Variants in MOK observed in about 807,000 individuals in gnomAD.
MOK encodes MAPK/MAK/MRK overlapping kinase.
In MOK, 59 loss-of-function variants were observed where a neutral mutation model predicts 54.2. The observed-to-expected ratio is 1.09, with a 90% CI of 0.88 to 1.35. MOK has a LOEUF of 1.35. Ranked by LOEUF, MOK falls within the 40% of genes most tolerant of loss-of-function variation. MOK has a pLI of 0.00. For missense variants in MOK, 517 were observed against 526.2 expected (o/e 0.98, Z 0.17); for synonymous variants, 210 against 202.7 (o/e 1.04, Z -0.31).
intron 10 of MOK, 36 bp from the exon 11 acceptor site, chr14:102,229,693 G>T: frequency 2.0e-6 from 3 of 1,527,858 alleles, no homozygotes; most frequent in East Asian, 4.5e-5. Context: ...GACATAAAAC[G>T]CTTTCTGCTT....
chr14:102,302,697 G>A (rs1382693551), intron 1 of MOK, among the ~76,000 whole-genome samples: 1 of 151,890 alleles, frequency 6.6e-6, no homozygotes, highest in African/African-American at 2.4e-5. Flanking sequence ...TTACAGGTGT[G>A]AGCCACTGCG....
intron 4 of MOK, among the ~76,000 whole-genome samples, chr14:102,253,561 C>T (rs1157882822): frequency 6.6e-6 from 1 of 152,238 alleles, no homozygotes; most frequent in Non-Finnish European, 1.5e-5. Flanking sequence ...TCACAGTCCA[C>T]ATGTCTTCTT....
At position 102,231,847 on chromosome 14, in the gene MOK, G is replaced by A. The variant is rs1008138067; in HGVS notation, c.867-26C>T. On this transcript the variant is annotated intron_variant, in intron 9 of 11. Transcript: ENST00000361847. The surrounding 1 kb of genome is among the most constrained non-coding windows in gnomAD (Gnocchi z 4.4). ...CTACGGGGAAGGAGAAGAGAATGGAGCAGCTCCACTGAGAGCCCGCAGAGC... is the reference window on the plus strand; with the variant it reads ...CTACGGGGAAGGAGAAGAGAATGGAACAGCTCCACTGAGAGCCCGCAGAGC... 1.3e-6 allele frequency: 2 copies of A among 1,595,504 alleles called. No homozygotes were observed. The highest frequency in any genetic ancestry group is 1.8e-4 in the Middle Eastern group (1 of 5,596).
At position 102,251,021 on chromosome 14, in the gene MOK, C is replaced by T. The variant is rs1447283965; in HGVS notation, c.412-31G>A. 15 of 1,608,110 alleles carry T rather than the reference C, an allele frequency of 9.3e-6. No individual in the cohort carries two copies. In the East Asian group the frequency reaches 3.3e-4, roughly 36 times the overall value. ...AGGGGAAAGAAGCAAGGACAAGTAA[C>T]ATCCCATTATGTGGCTATCATAATA... is the stretch of plus-strand genomic sequence containing the variant. On this transcript the variant is annotated intron_variant, in intron 6 of 11. Transcript: ENST00000361847.
intron 1 of MOK, among the ~76,000 whole-genome samples, chr14:102,302,672 C>G (rs1347457698): frequency 6.6e-6 from 1 of 151,838 alleles, no homozygotes. Flanking sequence ...GCCTCGGCCT[C>G]CCAAAGTGTT....
chr14:102,229,481 C>G lies in MOK; in HGVS notation c.1158G>C (p.Leu386Phe). 2 of 1,614,174 alleles carry G rather than the reference C, an allele frequency of 1.2e-6. No homozygotes were observed. The highest frequency in any genetic ancestry group is 1.7e-6 in the Non-Finnish European group (2 of 1,180,044). ...CCTTCTTGCTCGCAGGGATGCACTTCAAGGGTCTCAGCACCGGCACTCTTC... is the reference window on the plus strand; with the variant it reads ...CCTTCTTGCTCGCAGGGATGCACTTGAAGGGTCTCAGCACCGGCACTCTTC... ...TNGRVPVLRP[L>F]KCIPASKKTD... The change falls in exon 11 of 12, where the codon TTG becomes TTC. Residue 386 changes from leucine (L) to phenylalanine (F), a missense_variant. By Grantham distance (22) the Leu-to-Phe change is conservative (BLOSUM62 0). Transcript: ENST00000361847.
At chr14:102,217,309 G>A in the MOK span, among the ~76,000 whole-genome samples, 6 of 152,196 alleles carry the variant, frequency 3.9e-5, no homozygotes, top group South Asian at 2.1e-4. Context: ...ACTTGCACAC[G>A]TTCTCTCTGA....
At chr14:102,252,558 G>A (rs1039922894) in intron 4 of MOK, among the ~76,000 whole-genome samples, 2 of 151,916 alleles carry the variant, frequency 1.3e-5, no homozygotes, top group Non-Finnish European at 2.9e-5. Context: ...GCAGTTTATA[G>A]AGGCTTCTTT....
intron 7 of MOK, among the ~76,000 whole-genome samples, chr14:102,248,243 C>T (rs2066249570): frequency 6.6e-6 from 1 of 152,224 alleles, no homozygotes; most frequent in Non-Finnish European, 1.5e-5. Context: ...GCGGTTCACC[C>T]TTCCCTCAAG....
At chr14:102,241,407 C>T (rs376230998) in intron 7 of MOK, among the ~76,000 whole-genome samples, 1 of 152,206 alleles carries the variant, frequency 6.6e-6, no homozygotes, top group African/African-American at 2.4e-5. Context: ...AGCCCTCCCG[C>T]ACCTGCTCAA....
At chr14:102,247,177 A>T (rs1200588172) in intron 7 of MOK, among the ~76,000 whole-genome samples, 2 of 152,120 alleles carry the variant, frequency 1.3e-5, no homozygotes, top group African/African-American at 4.8e-5. Flanking sequence ...ACGCTGGGAA[A>T]AAAGAACCCA....
chr14:102,244,719 C>T (rs751595111), intron 7 of MOK, among the ~76,000 whole-genome samples: 1 of 152,160 alleles, frequency 6.6e-6, no homozygotes, highest in Non-Finnish European at 1.5e-5. Flanking sequence ...AAAAGGCCAC[C>T]GTGGTCATTT....
At chr14:102,283,380 T>C in intron 2 of MOK, 98 bp downstream of exon 2, 1 of 699,860 alleles carries the variant, frequency 1.4e-6, no homozygotes. Flanking sequence ...GTATCTTACA[T>C]ATTATTAAAT....
At chr14:102,266,723 T>C (rs1474894780) in intron 2 of MOK, among the ~76,000 whole-genome samples, 1 of 152,038 alleles carries the variant, frequency 6.6e-6, no homozygotes, top group East Asian at 1.9e-4. Context: ...GGTGGGATTA[T>C]AGGCACCCGC....
intron 1 of MOK, among the ~76,000 whole-genome samples, chr14:102,299,051 A>T (rs2071825356): frequency 1.3e-5 from 2 of 152,226 alleles, no homozygotes; most frequent in South Asian, 4.1e-4. Context: ...TAAGAACTGT[A>T]ACACTCACCG....
In MOK at chr14:102,232,865, C is replaced by T. The variant is rs559674355; in HGVS notation, c.693-157G>A. On this transcript the variant is annotated intron_variant, in intron 8 of 11. Coordinates refer to ENST00000361847, the MANE Select transcript of MOK (RefSeq NM_014226.3). The surrounding 1 kb of genome is among the most constrained non-coding windows in gnomAD (Gnocchi z 5.1). ...ACAGAACGTGCACCACCAAGAGGGA[C>T]CCCTGATGTAAATGATGGGCTCTGT... The T allele has an allele frequency of 5.1e-6, 3 of 589,708 alleles. No homozygotes were observed. Among genetic ancestry groups the T allele is most frequent in the Non-Finnish European group, 2.9e-6 (1 of 341,974 alleles). 36.5% of individuals were successfully genotyped at this position (589,708 alleles called of 1,614,324 possible).
intron 3 of MOK, chr14:102,264,663 C>T (rs1430398592): frequency 1.3e-5 from 2 of 152,248 alleles, no homozygotes; most frequent in African/African-American, 4.8e-5. Flanking sequence ...CTCTCTGGAC[C>T]TGGCCCAAAT....
At position 102,259,903 on chromosome 14, in the gene MOK, C is replaced by T. The variant is rs540183230; in HGVS notation, c.283+3643G>A. 5.9e-5 allele frequency among the ~76,000 whole-genome samples: 9 copies of T among 152,032 alleles called. No individual in the cohort carries two copies. The South Asian group carries it at 6.3e-4, about 11-fold the overall frequency. ...ACTAAAAATACAAAACTTAGCCAGG[C>T]GCGGTGGCTCACGCCTGTAATCCCA... On this transcript the variant is annotated intron_variant, in intron 4 of 11. Transcript: ENST00000361847.
rs1376085177 is a variant in MOK at position 102,232,789 on chromosome 14, T to C, written c.693-81A>G. On this transcript the variant is annotated intron_variant, in intron 8 of 11. Coordinates refer to ENST00000361847, the MANE Select transcript of MOK (RefSeq NM_014226.3). This position sits in a 1 kb window ranked among gnomAD's most constrained non-coding sequence, Gnocchi z 5.1. ...GGTCCACTGTCACAACTAAGGGCCC[T>C]GTGTGGTGGGGAATGGTTTATGACT... The C allele has an allele frequency of 1.7e-6, 2 of 1,159,508 alleles. No individual in the cohort carries two copies. The highest frequency in any genetic ancestry group is 1.5e-5 in the African/African-American group (1 of 64,978). 71.8% of individuals were successfully genotyped at this position (1,159,508 alleles called of 1,614,324 possible). A position where few individuals can be genotyped will look rare whatever the true frequency, so the allele number is the denominator to read the frequency against.
Sources: gnomAD v4.1 joint callset for allele counts (sites outside exome capture counted in the v4.1 genomes callset) on GRCh38, gnomAD v4.1.1 for gene constraint, Gnocchi (gnomAD v3.1) non-coding constraint, MANE v1.5 for transcripts, NCBI Gene and HGNC (gene_info 2026-07-23, HGNC 2026-07-21) for gene names.